ACACA: variants seen among roughly 807,000 people sequenced by gnomAD.
ACACA encodes acetyl-CoA carboxylase 1.
ACACA carries 103 observed loss-of-function variants against 296.1 expected under a neutral mutation model. That is an observed-to-expected ratio of 0.35 (90% CI 0.30 to 0.41). ACACA has a LOEUF of 0.41. Ranked by LOEUF, ACACA falls within the 10% of genes least tolerant of loss-of-function variation. The pLI is 1.00. For synonymous variants in ACACA, 953 were observed against 1,038.6 expected, an observed-to-expected ratio of 0.92 and a Z score of 1.58; for missense variants, 1,554 against 2,989.7, an observed-to-expected ratio of 0.52 and a Z score of 11.20.
rs777883289 is a variant in ACACA at position 37,122,600 on chromosome 17, A to G, written c.6069T>C (p.Val2023=). Reference sequence around the variant, plus strand: ...GTTCTACTGTTCGGGTTTCTACAGCAACAACTCCCACAGGTATTCCTCCTA... The same window carrying G: ...GTTCTACTGTTCGGGTTTCTACAGCGACAACTCCCACAGGTATTCCTCCTA... The part of the protein sequence containing the change: ...ARLGGIPVGV[V]AVETRTVELS... The change falls in exon 49 of 56, where the codon GTT becomes GTC. Residue 2023 remains valine (V), a synonymous_variant. Transcript: ENST00000616317. 2 of 1,614,230 alleles carry G rather than the reference A, an allele frequency of 1.2e-6. No individual in the cohort carries two copies. The highest frequency in any genetic ancestry group is 4.5e-5 in the East Asian group (2 of 44,886).
chr17:37,319,880 G>A (rs1462030020), intron 3 of ACACA, among the ~76,000 whole-genome samples: 3 of 152,034 alleles, frequency 2.0e-5, no homozygotes, highest in Non-Finnish European at 4.4e-5. Context: ...GAACTTGGGA[G>A]GCAGAGATTG....
intron 3 of ACACA, among the ~76,000 whole-genome samples, chr17:37,329,679 C>A (rs941043748): frequency 2.1e-5 from 3 of 146,304 alleles, no homozygotes; most frequent in Non-Finnish European, 4.5e-5. Context: ...GGGTAGCTCA[C>A]ACCTCTAATC....
intron 40 of ACACA, among the ~76,000 whole-genome samples, chr17:37,180,098 C>T (rs2077262106): frequency 6.6e-6 from 1 of 152,258 alleles, no homozygotes; most frequent in South Asian, 2.1e-4. Flanking sequence ...CATTTGAATC[C>T]CAAGTGACTC....
At chr17:37,221,608 A>G (rs2079294251) in intron 29 of ACACA, 116 bp downstream of exon 29, 1 of 916,618 alleles carries the variant, frequency 1.1e-6, no homozygotes, top group Non-Finnish European at 1.8e-6. Context: ...CATATTGTTC[A>G]TTTTTTGCCC....
chr17:37,114,531 TAAA>T (rs60963286), intron 50 of ACACA, among the ~76,000 whole-genome samples: 150 of 122,814 alleles, frequency 1.2e-3, no homozygotes, highest in Admixed American at 3.0e-3. Flanking sequence ...GCCCTGCCTT[TAAA>T]AAAAAAAAAA....
At position 37,364,752 on chromosome 17, in the gene ACACA, C is replaced by T. The variant is rs74369879; in HGVS notation, c.39-24902G>A. Among the ~76,000 whole-genome samples, 1,194 of 152,224 alleles carry T rather than the reference C, an allele frequency of 7.8e-3. 12 individuals are homozygous for T. The highest frequency in any genetic ancestry group is 0.027 in the African/African-American group (1,135 of 41,540). The stretch of plus-strand genomic sequence containing the variant: ...TATTGGGATATTATTTCCTGCTGAC[C>T]ACCAATAGTCATACTTTAATCTGGC... On this transcript the variant is annotated intron_variant, in intron 1 of 55. Coordinates refer to ENST00000616317, the MANE Select transcript of ACACA (RefSeq NM_198834.3).
intron 35 of ACACA, among the ~76,000 whole-genome samples, chr17:37,194,913 G>A (rs1204307208): frequency 1.3e-5 from 2 of 151,906 alleles, no homozygotes; most frequent in Non-Finnish European, 2.9e-5. Flanking sequence ...CTCAAGTTTT[G>A]TTCTAAATAA....
At chr17:37,376,325 G>T (rs556431292) in intron 1 of ACACA, among the ~76,000 whole-genome samples, 2 of 152,240 alleles carry the variant, frequency 1.3e-5, no homozygotes, top group Non-Finnish European at 2.9e-5. Flanking sequence ...TCATTCCAGA[G>T]AGATAGCTGT....
chr17:37,306,034 G>A (rs377734059), intron 3 of ACACA, among the ~76,000 whole-genome samples: 3 of 149,340 alleles, frequency 2.0e-5, no homozygotes, highest in Non-Finnish European at 4.4e-5. Context: ...TCAGCCTCCC[G>A]AGCAGCCGGG....
At chr17:37,092,546 A>T (rs987740180) in intron 54 of ACACA, among the ~76,000 whole-genome samples, 4 of 152,226 alleles carry the variant, frequency 2.6e-5, no homozygotes, top group African/African-American at 9.6e-5. Context: ...CACTAATTTT[A>T]TGTAGTAATT....
intron 35 of ACACA, among the ~76,000 whole-genome samples, chr17:37,193,912 T>C (rs1413951132): frequency 1.3e-5 from 2 of 152,158 alleles, no homozygotes; most frequent in Middle Eastern, 3.2e-3. Flanking sequence ...GTTTAAATGA[T>C]AACATTTGAA....
intron 52 of ACACA, among the ~76,000 whole-genome samples, chr17:37,105,317 C>T (rs1256665040): frequency 6.6e-6 from 1 of 152,118 alleles, no homozygotes; most frequent in Non-Finnish European, 1.5e-5. Context: ...AAAACATTCT[C>T]AACTTTTAAA....
rs1166097730 is a variant in ACACA at position 37,277,125 on chromosome 17, A to G, written c.721-11T>C. ...GCCAGCCCACACTGCCTGCAAGGGA[A>G]TACAATATAATTCATTCTTAAAATT... On this transcript the variant is annotated splice_polypyrimidine_tract_variant and intron_variant, in intron 6 of 55. Transcript: ENST00000616317. 1.2e-6 allele frequency: 2 copies of G among 1,607,588 alleles called. No individual in the cohort carries two copies. Among genetic ancestry groups the G allele is most frequent in the African/African-American group, 1.3e-5 (1 of 74,810 alleles).
In ACACA at chr17:37,269,763, GA is replaced by G. The variant is rs71159698; in HGVS notation, c.1119+987del. 2.6e-3 allele frequency among the ~76,000 whole-genome samples: 341 copies of G among 129,160 alleles called. 1 individual carries two copies. The highest frequency in any genetic ancestry group is 4.0e-3 in the Middle Eastern group (1 of 250). 84.7% of individuals were successfully genotyped at this position (129,160 alleles called of 152,430 possible). A position where few individuals can be genotyped will look rare whatever the true frequency, so the allele number is the denominator to read the frequency against. The stretch of plus-strand genomic sequence containing the variant: ...GAGTTTGCTGCTAAGTGTTTTAAGG[GA>G]AAAAAAAAAAAAAGCGAAATAAAAG... On this transcript the variant is annotated intron_variant, in intron 10 of 55. Coordinates refer to ENST00000616317, the MANE Select transcript of ACACA (RefSeq NM_198834.3).
At chr17:37,226,650 CAA>C (rs1323652859) in intron 25 of ACACA, among the ~76,000 whole-genome samples, 198 bp from the exon 26 acceptor site, 1 of 152,076 alleles carries the variant, frequency 6.6e-6, no homozygotes, top group African/African-American at 2.4e-5. Context: ...AGAGGCAGCC[CAA>C]ATCCCTCATT....
chr17:37,128,872 A>G (rs914653407), intron 47 of ACACA, among the ~76,000 whole-genome samples: 4 of 152,194 alleles, frequency 2.6e-5, no homozygotes, highest in African/African-American at 9.6e-5. Context: ...TACCAATATC[A>G]TAAGAAGGGC....
chr17:37,095,328 G>A (rs1191890752), intron 54 of ACACA, among the ~76,000 whole-genome samples: 1 of 152,202 alleles, frequency 6.6e-6, no homozygotes, highest in Non-Finnish European at 1.5e-5. Flanking sequence ...ACTCAATTAT[G>A]ATGCCACAGA....
At chr17:37,272,548 A>G (rs192087456) in intron 9 of ACACA, among the ~76,000 whole-genome samples, 7 of 152,250 alleles carry the variant, frequency 4.6e-5, no homozygotes, top group African/African-American at 1.7e-4. Context: ...GATAGCTTAA[A>G]AAAAAGAGAA....
chr17:37,260,523 C>T (rs906932245), intron 11 of ACACA, among the ~76,000 whole-genome samples: 3 of 151,142 alleles, frequency 2.0e-5, no homozygotes, highest in East Asian at 2.0e-4. Context: ...AGGCTGGTCT[C>T]GAACTCTTGA....
Sources: allele counts gnomAD v4.1 joint callset (sites outside exome capture counted in the v4.1 genomes callset), GRCh38; gene constraint gnomAD v4.1.1; transcripts MANE v1.5; gene names NCBI Gene and HGNC (gene_info 2026-07-23, HGNC 2026-07-21).